Variants in IL5RA observed in about 807,000 individuals in gnomAD.
The protein encoded by IL5RA is interleukin-5 receptor subunit alpha.
A neutral mutation model predicts 50.0 loss-of-function variants in IL5RA; 49 were observed. The observed-to-expected ratio is 0.98, with a 90% CI of 0.78 to 1.24. The LOEUF (loss-of-function observed/expected upper bound fraction) is 1.24, where lower values mean the gene tolerates loss of function less well. Among genes scored for constraint, IL5RA ranks in the 50% most tolerant of loss-of-function variants. The pLI is 0.00. For synonymous variants in IL5RA, 202 were observed against 174.0 expected (o/e 1.16, Z -1.26); for missense variants, 600 against 500.4 (o/e 1.20, Z -1.90).
rs541312504 is a variant in IL5RA at position 3,092,878 on chromosome 3, C to T, written c.856-516G>A. On this transcript the variant is annotated intron_variant, in intron 8 of 11. Transcript: ENST00000446632. The surrounding 1 kb of genome is among the most constrained non-coding windows in gnomAD (Gnocchi z 4.2). ...CTGACACCTGTATCTTGAATACCCCCGGAGGTGTTTCTCCCTTTTTTACTC... is the reference window on the plus strand; with the variant it reads ...CTGACACCTGTATCTTGAATACCCCTGGAGGTGTTTCTCCCTTTTTTACTC... Among the ~76,000 whole-genome samples, 3 of 152,244 alleles carry T rather than the reference C, an allele frequency of 2.0e-5. No individual in the cohort carries two copies. The highest frequency in any genetic ancestry group is 1.9e-4 in the East Asian group (1 of 5,184).
chr3:3,100,330 T>C (rs1703585094), intron 5 of IL5RA, among the ~76,000 whole-genome samples: 2 of 150,530 alleles, frequency 1.3e-5, no homozygotes, highest in South Asian at 4.3e-4. Context: ...TAAAGATGGA[T>C]TTCTTCTTCA....
intron 9 of IL5RA, chr3:3,090,392 C>G (rs924422847): frequency 3.1e-6 from 2 of 655,096 alleles, no homozygotes; most frequent in Non-Finnish European, 5.4e-6. Flanking sequence ...CCTAGTGCAA[C>G]AGTTAACGAC....
rs17879285 is a variant in IL5RA at position 3,106,018 on chromosome 3, A to G, written c.-3-1031T>C. Among the ~76,000 whole-genome samples, 961 of 152,300 alleles carry G rather than the reference A, an allele frequency of 6.3e-3. 11 individuals carry two copies. The highest frequency in any genetic ancestry group is 0.022 in the African/African-American group (927 of 41,560). On this transcript the variant is annotated intron_variant, in intron 2 of 11. Transcript: ENST00000446632. Reference sequence around the variant, plus strand: ...GTGCTCCCCCCAGAGATTTGGTACCAGACACATGTGGCTGTTATACATGAT... The same window carrying G: ...GTGCTCCCCCCAGAGATTTGGTACCGGACACATGTGGCTGTTATACATGAT...
chr3:3,099,763 G>A (rs907259840), intron 5 of IL5RA, among the ~76,000 whole-genome samples: 17 of 151,672 alleles, frequency 1.1e-4, no homozygotes, highest in African/African-American at 3.9e-4. Flanking sequence ...TCACCCTCCC[G>A]GGTTCAAGCA....
At chr3:3,080,648 A>G (rs902818910) in intron 9 of IL5RA, among the ~76,000 whole-genome samples, 1 of 152,078 alleles carries the variant, frequency 6.6e-6, no homozygotes, top group Non-Finnish European at 1.5e-5. Flanking sequence ...GACATTCCCC[A>G]AACTCTAGGT....
rs1241242195 is a variant in IL5RA, at chr3:3,069,923, A to C, written c.*302T>G. 4.0e-6 allele frequency: 1 copy of C among 247,222 alleles called. No individual in the cohort carries two copies. The allele number at this position is 247,222 out of a possible 1,614,324, so 15.3% of individuals were successfully genotyped here. A position where few individuals can be genotyped will look rare whatever the true frequency, so the allele number is the denominator to read the frequency against. On this transcript the variant is annotated 3_prime_UTR_variant, in exon 12 of 12. Transcript: ENST00000446632. Reference sequence around the variant, plus strand: ...CTGTCTGTTGTGAATGAAAAGTCTGAGGTGAGTCAAGCAAATTGCAAAGAT... The same window carrying C: ...CTGTCTGTTGTGAATGAAAAGTCTGCGGTGAGTCAAGCAAATTGCAAAGAT...
rs541903688 is a variant in IL5RA, at chr3:3,109,979, G to A, written c.-180C>T. 2 of 152,318 alleles carry A rather than the reference G, an allele frequency of 1.3e-5. No homozygotes were observed. The highest frequency in any genetic ancestry group is 4.1e-4 in the South Asian group (2 of 4,830). The allele number at this position is 152,318 out of a possible 1,614,324, so 9.4% of individuals were successfully genotyped here. ...CGGTGGCCATGCGATGAGAAGCAGC[G>A]GCAGGGCATTGAGAACGAACCTTAT... is the stretch of plus-strand genomic sequence containing the variant. On this transcript the variant is annotated 5_prime_UTR_variant, in exon 1 of 12. Transcript: ENST00000446632.
chr3:3,108,446 A>C (rs1245221869), intron 2 of IL5RA, 104 bp downstream of exon 2: 1 of 152,220 alleles, frequency 6.6e-6, no homozygotes, highest in Non-Finnish European at 1.5e-5. Flanking sequence ...AGTATTTGGA[A>C]AAATAGAAGA....
intron 11 of IL5RA, among the ~76,000 whole-genome samples, chr3:3,073,089 C>A (rs1345373782): frequency 6.6e-6 from 1 of 152,188 alleles, no homozygotes; most frequent in African/African-American, 2.4e-5. Context: ...ACACAAAGAT[C>A]CAACCATGGG....
intron 8 of IL5RA, among the ~76,000 whole-genome samples, chr3:3,093,731 T>G (rs1435442716): frequency 6.6e-6 from 1 of 152,204 alleles, no homozygotes; most frequent in East Asian, 1.9e-4. Flanking sequence ...TGGCTTTTCC[T>G]GTGGGAGGGC....
chr3:3,089,294 C>T (rs1419041574), intron 9 of IL5RA, among the ~76,000 whole-genome samples: 1 of 152,172 alleles, frequency 6.6e-6, no homozygotes, highest in Non-Finnish European at 1.5e-5. Context: ...ACGCTATTCT[C>T]CCTTGGGAAC....
rs17882007 is a variant in IL5RA at position 3,095,718 on chromosome 3, C to G, written c.710-274G>C. 4.0e-3 allele frequency among the ~76,000 whole-genome samples: 609 copies of G among 152,012 alleles called. 1 individual carries two copies. Among genetic ancestry groups the G allele is most frequent in the African/African-American group, 0.013 (555 of 41,448 alleles). ...GTTGAATGCTTGAATTACTTCCCCC[C>G]CTCAGCTCATTGCAAGACTCACCCA... On this transcript the variant is annotated intron_variant, in intron 7 of 11. Transcript: ENST00000446632.
At chr3:3,088,625 T>C (rs1457710851) in intron 9 of IL5RA, among the ~76,000 whole-genome samples, 14 of 152,218 alleles carry the variant, frequency 9.2e-5, no homozygotes, top group Admixed American at 8.5e-4. Context: ...ACGTTCTAAA[T>C]TCTCTACAGT....
chr3:3,076,678 C>G, intron 9 of IL5RA, 51 bp from the exon 10 acceptor site: 1 of 1,224,962 alleles, frequency 8.2e-7, no homozygotes, highest in Non-Finnish European at 1.2e-6. Context: ...AAGTTAGAAG[C>G]AGCAGGTAAA....
chr3:3,105,997 T>TC (rs1420197317), intron 2 of IL5RA, among the ~76,000 whole-genome samples: 1 of 151,980 alleles, frequency 6.6e-6, no homozygotes, highest in African/African-American at 2.4e-5. Context: ...TACCACGTGC[T>TC]CCCCCCAGAG....
At chr3:3,071,683 G>T (rs1294505892) in intron 11 of IL5RA, among the ~76,000 whole-genome samples, 2 of 151,134 alleles carry the variant, frequency 1.3e-5, no homozygotes, top group East Asian at 3.9e-4. Context: ...TCCGCCTCCT[G>T]GGCTCAAGCC....
chr3:3,101,909 T>C, intron 4 of IL5RA, 79 bp from the exon 5 acceptor site: 1 of 1,291,068 alleles, frequency 7.7e-7, no homozygotes, highest in Non-Finnish European at 1.1e-6. Flanking sequence ...ATATGCATTT[T>C]CTTCTACTTT....
At chr3:3,104,877 T>A in intron 3 of IL5RA, 26 bp downstream of exon 3, 1 of 1,369,540 alleles carries the variant, frequency 7.3e-7, no homozygotes, top group Non-Finnish European at 1.0e-6. Flanking sequence ...AAATAAACAT[T>A]ATTGAATTGA....
chr3:3,071,552 AGTGTGTGTGTGTGT>A (rs55736610), intron 11 of IL5RA, among the ~76,000 whole-genome samples: 213 of 136,042 alleles, frequency 1.6e-3, no homozygotes, highest in South Asian at 2.5e-3. Flanking sequence ...CTTCCTTCAC[AGTGTGTGTGTGTGT>A]GTGTGTGTGT....
Sources: gnomAD v4.1 joint callset for allele counts (sites outside exome capture counted in the v4.1 genomes callset) on GRCh38, gnomAD v4.1.1 for gene constraint, Gnocchi (gnomAD v3.1) non-coding constraint, MANE v1.5 for transcripts, NCBI Gene and HGNC (gene_info 2026-07-23, HGNC 2026-07-21) for gene names.